DMD: variants seen among roughly 807,000 people sequenced by gnomAD.
The protein encoded by DMD is dystrophin, also known as mutant dystrophin.
Under a neutral mutation model 330.1 loss-of-function variants are expected in DMD, and 63 were observed. That is an observed-to-expected ratio of 0.19 (90% confidence interval 0.16 to 0.24). The LOEUF (loss-of-function observed/expected upper bound fraction) is 0.24. DMD is among the 10% of genes least tolerant of loss of function. The pLI, the probability that DMD is intolerant of heterozygous loss-of-function variation, is 1.00. For missense variants in DMD, 3,344 were observed against 2,684.1 expected (o/e 1.25, Z -5.43); for synonymous variants, 1,223 against 959.8 (o/e 1.27, Z -5.07).
intron 17 of DMD, among the ~76,000 whole-genome samples, chrX:32,525,655 A>T (rs1413023049): frequency 9.0e-6 from 1 of 111,239 alleles, no homozygotes; most frequent in East Asian, 2.8e-4. Flanking sequence ...CTGCTACTAG[A>T]TATTCCTCAG....
intron 29 of DMD, among the ~76,000 whole-genome samples, chrX:32,418,084 A>G (rs938940250): frequency 1.8e-5 from 2 of 111,612 alleles, no homozygotes; most frequent in African/African-American, 6.5e-5. Flanking sequence ...TAAATTAAAT[A>G]TGACATTGAG....
intron 64 of DMD, among the ~76,000 whole-genome samples, chrX:31,215,412 G>A (rs1335366250): frequency 1.8e-5 from 2 of 111,159 alleles, no homozygotes; most frequent in South Asian, 3.9e-4. Context: ...GAGTGGGAGA[G>A]TCAGCCAACC....
At chrX:32,481,040 C>A (rs2041840655) in intron 21 of DMD, among the ~76,000 whole-genome samples, 1 of 109,830 alleles carries the variant, frequency 9.1e-6, no homozygotes, top group Non-Finnish European at 1.9e-5. Flanking sequence ...AGAAGAGTTA[C>A]CTCACATCAA....
intron 1 of DMD, among the ~76,000 whole-genome samples, chrX:33,272,141 C>T (rs908307500): frequency 7.1e-5 from 8 of 112,371 alleles, no homozygotes; most frequent in Non-Finnish European, 1.3e-4. Context: ...GCCTCAGTCT[C>T]CCAAAGTGCT....
chrX:32,854,586 A>AAAAG (rs1557088867), intron 2 of DMD, among the ~76,000 whole-genome samples: 3 of 107,469 alleles, frequency 2.8e-5, no homozygotes, highest in Admixed American at 9.9e-5. Context: ...AAAAAAAAAA[A>AAAAG]AGAGAAACAA....
chrX:32,160,629 C>A (rs1047706981), intron 44 of DMD, among the ~76,000 whole-genome samples: 1 of 111,027 alleles, frequency 9.0e-6, no homozygotes, highest in Admixed American at 9.7e-5. Flanking sequence ...CCTTTGTTGT[C>A]CAGGACAAAT....
intron 11 of DMD, among the ~76,000 whole-genome samples, chrX:32,629,616 T>TG (rs1309298901): frequency 2.1e-4 from 23 of 111,026 alleles, no homozygotes; most frequent in African/African-American, 6.9e-4. Flanking sequence ...CTTTCCTTCC[T>TG]GTCTTACTAT....
intron 13 of DMD, among the ~76,000 whole-genome samples, chrX:32,577,922 G>A (rs966733928): frequency 2.7e-5 from 3 of 112,312 alleles, no homozygotes; most frequent in African/African-American, 9.7e-5. Context: ...ATATGCACAA[G>A]TATAAATAGA....
chrX:32,736,542 T>C (rs1290884917), intron 7 of DMD, among the ~76,000 whole-genome samples: 5 of 110,496 alleles, frequency 4.5e-5, no homozygotes, highest in Non-Finnish European at 7.5e-5. Flanking sequence ...ATAGAGTGGA[T>C]TAAGAAAATG....
chrX:33,262,802 A>T (rs1176273933), intron 1 of DMD, among the ~76,000 whole-genome samples: 2 of 110,945 alleles, frequency 1.8e-5, no homozygotes, highest in Non-Finnish European at 3.8e-5. Flanking sequence ...AAGTTTATTT[A>T]GAGACCGATG....
At chrX:32,509,810 G>A (rs912044628) in intron 18 of DMD, among the ~76,000 whole-genome samples, 4 of 111,395 alleles carry the variant, frequency 3.6e-5, no homozygotes, top group African/African-American at 1.3e-4. Flanking sequence ...CCCTGAGCTC[G>A]CACTTTGGAG....
chrX:31,131,846 A>T (rs1176786536), intron 77 of DMD, among the ~76,000 whole-genome samples: 1 of 111,829 alleles, frequency 8.9e-6, no homozygotes, highest in Non-Finnish European at 1.9e-5. Flanking sequence ...CTTTTTATCC[A>T]CTTGAATTTG....
intron 44 of DMD, among the ~76,000 whole-genome samples, chrX:32,174,234 G>A (rs899921865): frequency 1.8e-5 from 2 of 112,260 alleles, no homozygotes; most frequent in African/African-American, 6.5e-5. Flanking sequence ...GCTTCCAGCT[G>A]TGTTTCTAAC....
intron 41 of DMD, among the ~76,000 whole-genome samples, chrX:32,329,436 C>T (rs1174340860): frequency 8.9e-6 from 1 of 111,766 alleles, no homozygotes; most frequent in Non-Finnish European, 1.9e-5. Context: ...TAGAAGACAT[C>T]TTGGCAAGTT....
intron 44 of DMD, among the ~76,000 whole-genome samples, chrX:32,207,046 TA>T (rs1268362565): frequency 9.5e-4 from 106 of 111,670 alleles, no homozygotes; most frequent in African/African-American, 3.3e-3. Flanking sequence ...AGTATTTTAA[TA>T]AAGTAAAAAA....
intron 2 of DMD, among the ~76,000 whole-genome samples, chrX:32,906,308 C>T (rs1470830744): frequency 1.8e-5 from 2 of 111,779 alleles, no homozygotes; most frequent in Non-Finnish European, 3.8e-5. Flanking sequence ...TCACCTCGCT[C>T]CCCGTCTGCC....
intron 47 of DMD, among the ~76,000 whole-genome samples, chrX:31,881,368 C>A (rs1445199352): frequency 5.1e-5 from 5 of 97,546 alleles, no homozygotes; most frequent in Non-Finnish European, 1.0e-4. Flanking sequence ...CTGGCTAACA[C>A]GGTGAAACCC....
intron 66 of DMD, 34 bp from the exon 67 acceptor site, chrX:31,204,152 A>C: frequency 8.5e-7 from 1 of 1,182,870 alleles, no homozygotes; most frequent in African/African-American, 1.7e-5. Context: ...AACAGTCAAA[A>C]CACAGCACCC....
At chrX:32,320,564 G>T (rs1156829601) in intron 41 of DMD, among the ~76,000 whole-genome samples, 1 of 111,065 alleles carries the variant, frequency 9.0e-6, no homozygotes, top group African/African-American at 3.3e-5. Flanking sequence ...TGCTAATCTA[G>T]AGAATGACAA....
Sources: allele counts gnomAD v4.1 joint callset (sites outside exome capture counted in the v4.1 genomes callset), GRCh38; gene constraint gnomAD v4.1.1; transcripts MANE v1.5; gene names NCBI Gene and HGNC (gene_info 2026-07-23, HGNC 2026-07-21).